Variants in EPHB3 observed in about 807,000 individuals in gnomAD.
The protein encoded by EPHB3 is EPH receptor B3, also known as ephrin type-B receptor 3.
Under a neutral mutation model 100.2 loss-of-function variants are expected in EPHB3, and 33 were observed. The observed-to-expected ratio is 0.33, with a 90% confidence interval of 0.25 to 0.44. The LOEUF (loss-of-function observed/expected upper bound fraction) is 0.44, where lower values mean the gene tolerates loss of function less well. Ranked by LOEUF, EPHB3 falls within the 20% of genes least tolerant of loss-of-function variation. The pLI, the probability that EPHB3 is intolerant of heterozygous loss-of-function variation, is 1.00. For missense variants in EPHB3, 1,045 were observed against 1,378.3 expected, an observed-to-expected ratio of 0.76 and a Z score of 3.83; for synonymous variants, 526 against 554.7, an observed-to-expected ratio of 0.95 and a Z score of 0.73.
At chr3:184,575,726 G>C in intron 3 of EPHB3, 104 bp from the exon 4 acceptor site, 2 of 1,403,224 alleles carry the variant, frequency 1.4e-6, no homozygotes, top group Non-Finnish European at 9.5e-7. Context: ...GAGGTGGAGG[G>C]GCCAGACCTA....
rs780019167 is a variant in EPHB3 at position 184,580,422 on chromosome 3, G to A, written c.2193G>A (p.Thr731=). The A allele has an allele frequency of 1.6e-5, 26 of 1,614,070 alleles. No individual in the cohort carries two copies. Among genetic ancestry groups the A allele is most frequent in the South Asian group, 1.2e-4 (11 of 91,088 alleles). ...TGCAGCTCAACGATGGGCAGTTCAC[G>A]GTCATCCAGCTGGTGGGCATGTTGC... is the stretch of plus-strand genomic sequence containing the variant. ...SFLRLNDGQF[T]VIQLVGMLRG... is the part of the protein sequence containing the mutation. The change falls in exon 12 of 16, where the codon ACG becomes ACA. Residue 731 remains threonine (T), a synonymous_variant. Coordinates refer to ENST00000330394, the MANE Select transcript of EPHB3 (RefSeq NM_004443.4).
intron 1 of EPHB3, among the ~76,000 whole-genome samples, chr3:184,566,620 G>A (rs1374078445): frequency 1.3e-5 from 2 of 152,204 alleles, no homozygotes; most frequent in Non-Finnish European, 2.9e-5. Flanking sequence ...CTTGGTGGCT[G>A]AGGAAGGGAC....
intron 3 of EPHB3, among the ~76,000 whole-genome samples, chr3:184,574,559 G>C (rs1307986725): frequency 6.6e-6 from 1 of 152,240 alleles, no homozygotes; most frequent in Non-Finnish European, 1.5e-5. Flanking sequence ...GCAGCCTACA[G>C]CTCTGAGGGG....
rs769299714 is a variant in EPHB3 at position 184,573,019 on chromosome 3, G to C, written c.699G>C (p.Ser233=). 1 of 1,612,794 alleles carries C rather than the reference G, an allele frequency of 6.2e-7. No individual in the cohort carries two copies. Among genetic ancestry groups the C allele is most frequent in the South Asian group, 1.1e-5 (1 of 91,038 alleles). Residue 233 remains serine, a synonymous_variant, in exon 3 of 16, where the codon TCG becomes TCC. Transcript: ENST00000330394. The surrounding 1 kb of genome is among the most constrained non-coding windows in gnomAD (Gnocchi z 4.5). ...CCCTCACTGGGGCGGAGCCCACCTCGCTGGTCATTGCTCCTGGCACCTGCA... is the reference window on the plus strand; with the variant it reads ...CCCTCACTGGGGCGGAGCCCACCTCCCTGGTCATTGCTCCTGGCACCTGCA... ...PETLTGAEPT[S]LVIAPGTCIP...
At position 184,572,603 on chromosome 3, in the gene EPHB3, G is replaced by A; in HGVS notation, c.283G>A (p.Gly95Arg). Residue 95 changes from glycine (G) to arginine (R), a missense_variant, in exon 3 of 16, where the codon GGG (glycine) becomes AGG (arginine). By Grantham distance (125) the Gly-to-Arg change is moderately radical (BLOSUM62 -2). Coordinates refer to ENST00000330394, the MANE Select transcript of EPHB3 (RefSeq NM_004443.4). The surrounding 1 kb of genome is among the most constrained non-coding windows in gnomAD (Gnocchi z 6.6). ...AAGCCAGAACAACTGGCTTCGCACG[G>A]GGTTCATCTGGCGGCGGGATGTGCA... ...ESSQNNWLRT[G>R]FIWRRDVQRV... 1 of 1,551,006 alleles carries A rather than the reference G, an allele frequency of 6.4e-7. No individual in the cohort carries two copies. Among genetic ancestry groups the A allele is most frequent in the East Asian group, 2.3e-5 (1 of 44,030 alleles).
rs540556062 is a variant in EPHB3 at position 184,579,500 on chromosome 3, A to G, written c.1825A>G (p.Ile609Val). 3 of 1,613,712 alleles carry G rather than the reference A, an allele frequency of 1.9e-6. No homozygotes were observed. The African/African-American group carries it at 4.0e-5, about 22-fold the overall frequency. ...AGTTGCTCCTGGAATGAAGGTTTAT[A>G]TTGACCCTTTTACCTACGAGGACCC... ...QYIAPGMKVY[I>V]DPFTYEDPNE... Residue 609 changes from isoleucine (I) to valine (V), a missense_variant, in exon 10 of 16, where the codon ATT (isoleucine) becomes GTT (valine). Ile to Val is a conservative substitution (Grantham distance 29). Around this residue, in one of 2 missense-constraint regions of EPHB3, gnomAD observed 985 missense variants for 1,331.1 expected, o/e 0.74. Transcript: ENST00000330394. This position sits in a 1 kb window ranked among gnomAD's most constrained non-coding sequence, Gnocchi z 5.2.
chr3:184,563,084 T>C lies in EPHB3; in HGVS notation c.118+731T>C, dbSNP rs1714300603. 6.6e-6 allele frequency among the ~76,000 whole-genome samples: 1 copy of C among 152,180 alleles called. No individual in the cohort carries two copies. Among genetic ancestry groups the C allele is most frequent in the Non-Finnish European group, 1.5e-5 (1 of 68,014 alleles). ...GAAAAGGCCAGGCTTCTCAATAGGT[T>C]CTGTGAAACCTGCCAAGACTGCTGT... On this transcript the variant is annotated intron_variant, in intron 1 of 15. Transcript: ENST00000330394. The surrounding 1 kb of genome is among the most constrained non-coding windows in gnomAD (Gnocchi z 4.1).
Position 184,562,318 on chromosome 3 carries a change from T to C in EPHB3, c.83T>C (p.Leu28Pro), listed in dbSNP as rs1429789406. ...CTCCCTCCGCTGCTGCTGCTGCCGC[T>C]GCTGCTGCTGCCCGCCGGCTGCCGG... ...PLLPPLLLLP[L>P]LLLPAGCRAL... The change falls in exon 1 of 16, where the codon CTG becomes CCG. Residue 28 changes from leucine (L) to proline (P), a missense_variant. By Grantham distance (98) the Leu-to-Pro change is moderately conservative. This residue lies in a region of EPHB3 where 60 missense variants were observed against 47.2 expected (regional missense o/e 1.27). Coordinates refer to ENST00000330394, the MANE Select transcript of EPHB3 (RefSeq NM_004443.4). This position sits in a 1 kb window ranked among gnomAD's most constrained non-coding sequence, Gnocchi z 4.8. 1 of 1,237,920 alleles carries C rather than the reference T, an allele frequency of 8.1e-7. No homozygotes were observed. Among genetic ancestry groups the C allele is most frequent in the Non-Finnish European group, 1.0e-6 (1 of 989,786 alleles). The allele number at this position is 1,237,920 out of a possible 1,614,324, so 76.7% of individuals were successfully genotyped here.
intron 1 of EPHB3, among the ~76,000 whole-genome samples, chr3:184,566,032 G>C (rs533899805): frequency 6.9e-4 from 105 of 152,332 alleles, no homozygotes; most frequent in Middle Eastern, 3.4e-3. Context: ...CAGCTGGGGG[G>C]GGTGAAGGGT....
rs1366284092 is a variant in EPHB3, at chr3:184,576,699, G to T, written c.1013-143G>T. The T allele has an allele frequency of 3.9e-6, 3 of 769,496 alleles. No homozygotes were observed. In the African/African-American group the frequency reaches 5.3e-5, roughly 14 times the overall value. The allele number at this position is 769,496 out of a possible 1,614,324, so 47.7% of individuals were successfully genotyped here. ...GATAAATAGGAGTCTGCCTGGTGAA[G>T]AAATGTAGGAACGTTATTCTGCTTA... On this transcript the variant is annotated intron_variant, in intron 4 of 15. Coordinates refer to ENST00000330394, the MANE Select transcript of EPHB3 (RefSeq NM_004443.4).
intron 1 of EPHB3, among the ~76,000 whole-genome samples, chr3:184,568,116 G>C (rs907276705): frequency 6.6e-6 from 1 of 152,096 alleles, no homozygotes; most frequent in African/African-American, 2.4e-5. Flanking sequence ...GATGCTGCGC[G>C]TGCATCTGTG....
In EPHB3 at chr3:184,580,838, G is replaced by A; in HGVS notation, c.2498G>A (p.Ser833Asn). The change falls in exon 13 of 16, where the codon AGC (serine) becomes AAC (asparagine). Residue 833 changes from serine to asparagine, a missense_variant. Ser to Asn is a conservative substitution (Grantham distance 46, BLOSUM62 1). Coordinates refer to ENST00000330394, the MANE Select transcript of EPHB3 (RefSeq NM_004443.4). ...GGAATTGTCATGTGGGAGGTCATGAGCTATGGAGAGCGACCCTACTGGGAC... is the reference window on the plus strand; with the variant it reads ...GGAATTGTCATGTGGGAGGTCATGAACTATGGAGAGCGACCCTACTGGGAC... ...SYGIVMWEVMSYGERPYWDMS... is the reference protein window; with the variant it reads ...SYGIVMWEVMNYGERPYWDMS... 6.2e-7 allele frequency: 1 copy of A among 1,614,206 alleles called. No homozygotes were observed. Among genetic ancestry groups the A allele is most frequent in the Non-Finnish European group, 8.5e-7 (1 of 1,180,022 alleles).
rs756778465 is a variant in EPHB3 at position 184,577,755 on chromosome 3, G to A, written c.1577G>A (p.Arg526His). 2.5e-6 allele frequency: 4 copies of A among 1,611,302 alleles called. No homozygotes were observed. Among genetic ancestry groups the A allele is most frequent in the East Asian group, 2.2e-5 (1 of 44,834 alleles). The change falls in exon 7 of 16, where the codon CGC becomes CAC. Residue 526 changes from arginine to histidine, a missense_variant. Arg to His is a conservative substitution (Grantham distance 29). Transcript: ENST00000330394. The surrounding 1 kb of genome is among the most constrained non-coding windows in gnomAD (Gnocchi z 4.9). The stretch of plus-strand genomic sequence containing the variant: ...CGCTATGTGGTCCAGGTCCGTGCCC[G>A]CACAGTAGCTGGCTATGGGCAGTAC... ...DARYVVQVRA[R>H]TVAGYGQYSR...
In EPHB3 at chr3:184,565,134, T is replaced by C. The variant is rs1023414988; in HGVS notation, c.118+2781T>C. 1.3e-5 allele frequency among the ~76,000 whole-genome samples: 2 copies of C among 152,122 alleles called. No individual in the cohort carries two copies. The highest frequency in any genetic ancestry group is 2.4e-5 in the African/African-American group (1 of 41,420). On this transcript the variant is annotated intron_variant, in intron 1 of 15. Transcript: ENST00000330394. The surrounding 1 kb of genome is among the most constrained non-coding windows in gnomAD (Gnocchi z 4.8). ...ATCCAAGGCTGTCATCAGTTTTCCA[T>C]GTGGATGGAGCCTGGGTCCTTGCTT... is the stretch of plus-strand genomic sequence containing the variant.
chr3:184,579,805 C>A lies in EPHB3; in HGVS notation c.2043C>A (p.Ser681Arg). The A allele has an allele frequency of 3.7e-6, 6 of 1,613,578 alleles. No homozygotes were observed. The highest frequency in any genetic ancestry group is 5.1e-6 in the Non-Finnish European group (6 of 1,179,912). Residue 681 changes from serine to arginine, a missense_variant, in exon 11 of 16, where the codon AGC (serine) becomes AGA (arginine). Transcript: ENST00000330394. This position sits in a 1 kb window ranked among gnomAD's most constrained non-coding sequence, Gnocchi z 5.2. ...YTERQRRDFL[S>R]EASIMGQFDH... ...AGAGGCAGCGGCGGGACTTCCTAAG[C>A]GAGGCCTCCATCATGGGTCAGTTTG... is the stretch of plus-strand genomic sequence containing the variant.
In EPHB3 at chr3:184,575,827, C is replaced by T. The variant is rs1299012002; in HGVS notation, c.857-3C>T. ...GCCCCATTCATCCTCTTCTCTCCCA[C>T]AGCCTGTCCCCCTGGGAGCTACAAG... On this transcript the variant is annotated splice_polypyrimidine_tract_variant and splice_region_variant and intron_variant, in intron 3 of 15. Coordinates refer to ENST00000330394, the MANE Select transcript of EPHB3 (RefSeq NM_004443.4). The T allele has an allele frequency of 1.9e-6, 3 of 1,595,702 alleles. No homozygotes were observed. Among genetic ancestry groups the T allele is most frequent in the African/African-American group, 1.3e-5 (1 of 74,588 alleles).
chr3:184,566,581 C>T (rs759212596), intron 1 of EPHB3, among the ~76,000 whole-genome samples: 3 of 152,150 alleles, frequency 2.0e-5, no homozygotes, highest in Non-Finnish European at 4.4e-5. Flanking sequence ...CACGTGTGTA[C>T]ACATCCTGAC....
In EPHB3 at chr3:184,577,913, A is replaced by T. The variant is rs769723157; in HGVS notation, c.1655A>T (p.Gln552Leu). The change falls in exon 8 of 16, where the codon CAG becomes CTG. Residue 552 changes from glutamine to leucine, a missense_variant. Transcript: ENST00000330394. The surrounding 1 kb of genome is among the most constrained non-coding windows in gnomAD (Gnocchi z 4.9). ...TTSERGSGAQ[Q>L]LQEQLPLIVG... The stretch of plus-strand genomic sequence containing the variant: ...CTATCTCCAGGCTCTGGGGCCCAGC[A>T]GCTCCAGGAGCAGCTTCCCCTCATC... 1 of 1,613,846 alleles carries T rather than the reference A, an allele frequency of 6.2e-7. No homozygotes were observed. The highest frequency in any genetic ancestry group is 8.5e-7 in the Non-Finnish European group (1 of 1,179,890).
chr3:184,571,421 A>C lies in EPHB3; in HGVS notation c.183+39A>C. The C allele has an allele frequency of 1.6e-5, 25 of 1,610,730 alleles. No individual in the cohort carries two copies. The highest frequency in any genetic ancestry group is 2.0e-5 in the Non-Finnish European group (24 of 1,177,298). ...ATCATTCTCCTGAGTGTTGTTTGCC[A>C]TTAGGCCTCCCCCCACTTCCAGCCT... is the stretch of plus-strand genomic sequence containing the variant. On this transcript the variant is annotated intron_variant, in intron 2 of 15. Coordinates refer to ENST00000330394, the MANE Select transcript of EPHB3 (RefSeq NM_004443.4). The surrounding 1 kb of genome is among the most constrained non-coding windows in gnomAD (Gnocchi z 5.0).
Sources: allele counts gnomAD v4.1 joint callset (sites outside exome capture counted in the v4.1 genomes callset), GRCh38; gene constraint gnomAD v4.1.1; regional missense constraint gnomAD v4.1.1; non-coding constraint Gnocchi (gnomAD v3.1); transcripts MANE v1.5; gene names NCBI Gene and HGNC (gene_info 2026-07-23, HGNC 2026-07-21).